Variants in PTGR2 observed in about 807,000 individuals in gnomAD.
PTGR2 encodes prostaglandin reductase 2, also known as 15-oxoprostaglandin 13-reductase.
In PTGR2, 32 loss-of-function variants were observed where a neutral mutation model predicts 43.4. The observed-to-expected ratio is 0.74, with a 90% CI of 0.56 to 0.99. PTGR2 has a LOEUF of 0.99. Among genes scored for constraint, PTGR2 ranks in the 50% least tolerant of loss-of-function variants. PTGR2 has a pLI of 0.00. For synonymous variants in PTGR2, 106 were observed against 139.2 expected, an observed-to-expected ratio of 0.76 and a Z score of 1.68; for missense variants, 373 against 420.0, an observed-to-expected ratio of 0.89 and a Z score of 0.98.
rs555275020 is a variant in PTGR2 at position 73,864,545 on chromosome 14, T to A, written c.156+3888T>A. On this transcript the variant is annotated intron_variant, in intron 3 of 9. Transcript: ENST00000555661. ...TTTTGTATTTCCTTATGGCTAATAA[T>A]GTTGAGCATGTTTTTAATGTGCTTA... Among the ~76,000 whole-genome samples the A allele has an allele frequency of 7.2e-5, 11 of 152,346 alleles. 1 individual carries two copies. In the South Asian group the frequency reaches 2.1e-3, roughly 29 times the overall value.
intron 7 of PTGR2, among the ~76,000 whole-genome samples, chr14:73,880,795 G>A (rs1039752136): frequency 5.3e-5 from 8 of 152,026 alleles, no homozygotes; most frequent in African/African-American, 1.9e-4. Context: ...ATACTGGGCA[G>A]ACAAAAATTA....
At chr14:73,868,719 AATATACTC>A (rs1421820702) in intron 3 of PTGR2, among the ~76,000 whole-genome samples, 1 of 151,854 alleles carries the variant, frequency 6.6e-6, no homozygotes, top group Non-Finnish European at 1.5e-5. Flanking sequence ...GCTGTCATGT[AATATACTC>A]AAGGTTACCT....
intron 3 of PTGR2, among the ~76,000 whole-genome samples, chr14:73,864,527 T>C (rs2054560501): frequency 6.6e-6 from 1 of 152,226 alleles, no homozygotes; most frequent in African/African-American, 2.4e-5. Flanking sequence ...TTCTTTTGTA[T>C]TTCCTTATGG....
intron 7 of PTGR2, among the ~76,000 whole-genome samples, chr14:73,880,782 T>C (rs1188425335): frequency 6.6e-6 from 1 of 152,110 alleles, no homozygotes; most frequent in Non-Finnish European, 1.5e-5. Flanking sequence ...AATGGGGTTG[T>C]AGATACTGGG....
intron 9 of PTGR2, among the ~76,000 whole-genome samples, chr14:73,883,488 CCTT>C (rs1566644172): frequency 1.3e-5 from 2 of 151,114 alleles, no homozygotes; most frequent in African/African-American, 4.9e-5. Context: ...AGTGCCTAGC[CCTT>C]TTTTTAATTT....
Position 73,872,380 on chromosome 14 carries a change from A to G in PTGR2, c.157-1643A>G, listed in dbSNP as rs530080937. ...CAAAAGAAATCAAGTTTTATGGTGT[A>G]TATGTTGCTAGTTTGTTTTCCATAA... On this transcript the variant is annotated intron_variant, in intron 3 of 9. Coordinates refer to ENST00000555661, the MANE Select transcript of PTGR2 (RefSeq NM_001146154.2). 7.9e-5 allele frequency among the ~76,000 whole-genome samples: 12 copies of G among 152,350 alleles called. No individual in the cohort carries two copies. The South Asian group carries it at 2.3e-3, about 29-fold the overall frequency.
At chr14:73,866,040 T>C (rs931322734) in intron 3 of PTGR2, among the ~76,000 whole-genome samples, 2 of 151,962 alleles carry the variant, frequency 1.3e-5, no homozygotes, top group Non-Finnish European at 2.9e-5. Context: ...TCTTGCTCTG[T>C]CGCCAGTCTG....
In PTGR2 at chr14:73,861,845, C is replaced by T. The variant is rs1204299125; in HGVS notation, c.156+1188C>T. 6 of 150,926 alleles carry T rather than the reference C, an allele frequency of 4.0e-5. No homozygotes were observed. The East Asian group carries it at 1.2e-3, about 29-fold the overall frequency. The allele number at this position is 150,926 out of a possible 1,614,324, so 9.3% of individuals were successfully genotyped here. On this transcript the variant is annotated intron_variant, in intron 3 of 9. Transcript: ENST00000555661. The stretch of plus-strand genomic sequence containing the variant: ...GGTTGCTGAACGACTGTATGAGTTT[C>T]CTGTTGCTGTTTTGACATAGTACTG...
intron 4 of PTGR2, among the ~76,000 whole-genome samples, chr14:73,875,789 G>A (rs922135147): frequency 1.1e-5 from 1 of 88,660 alleles, no homozygotes; most frequent in African/African-American, 4.3e-5. Flanking sequence ...AGAATATTTT[G>A]TCTCTTACAT....
At position 73,874,143 on chromosome 14, in the gene PTGR2, G is replaced by C; in HGVS notation, c.277G>C (p.Gly93Arg). 3 of 1,613,904 alleles carry C rather than the reference G, an allele frequency of 1.9e-6. No individual in the cohort carries two copies. The highest frequency in any genetic ancestry group is 2.5e-6 in the Non-Finnish European group (3 of 1,179,960). Reference sequence around the variant, plus strand: ...AAGCAAACACACAAATTTGACTAAAGGCGATTTTGTGACTTCTTTCTATTG... The same window carrying C: ...AAGCAAACACACAAATTTGACTAAACGCGATTTTGTGACTTCTTTCTATTG... ...EESKHTNLTK[G>R]DFVTSFYWPW... The change falls in exon 4 of 10, where the codon GGC (glycine) becomes CGC (arginine). Residue 93 changes from glycine (G) to arginine (R), a missense_variant. Transcript: ENST00000555661.
In PTGR2 at chr14:73,856,389, G is replaced by A. The variant is rs116810987; in HGVS notation, c.-47-2427G>A. On this transcript the variant is annotated intron_variant, in intron 1 of 9. Coordinates refer to ENST00000555661, the MANE Select transcript of PTGR2 (RefSeq NM_001146154.2). ...GCCTCCCAAGTAGCTGGGACTACAG[G>A]CATGGGCCACCTGCCCACCGGCTAT... 8.8e-3 allele frequency among the ~76,000 whole-genome samples: 1,326 copies of A among 150,670 alleles called. 22 individuals are homozygous for A. The highest frequency in any genetic ancestry group is 0.031 in the African/African-American group (1,287 of 41,072).
Position 73,877,124 on chromosome 14 carries a change from G to T in PTGR2, c.475G>T (p.Val159Phe). The stretch of plus-strand genomic sequence containing the variant: ...AACTGCTGGATCTAATAAGACAATG[G>T]TTGTCAGTGGGGCCGCAGGTGCCTG... ...HITAGSNKTM[V>F]VSGAAGACGS... Residue 159 changes from valine (V) to phenylalanine (F), a missense_variant, in exon 5 of 10, where the codon GTT becomes TTT. Transcript: ENST00000555661. 6.2e-7 allele frequency: 1 copy of T among 1,614,098 alleles called. No homozygotes were observed. Among genetic ancestry groups the T allele is most frequent in the Non-Finnish European group, 8.5e-7 (1 of 1,180,002 alleles).
At chr14:73,869,359 T>C (rs930303316) in intron 3 of PTGR2, among the ~76,000 whole-genome samples, 1 of 151,466 alleles carries the variant, frequency 6.6e-6, no homozygotes, top group African/African-American at 2.4e-5. Flanking sequence ...CACAGAAAGA[T>C]GCCATCAATA....
At chr14:73,880,341 G>A in intron 7 of PTGR2, 165 bp downstream of exon 7, 1 of 729,436 alleles carries the variant, frequency 1.4e-6, no homozygotes, top group South Asian at 1.5e-5. Context: ...GGGATGCCGA[G>A]ACGGGTGGAT....
intron 3 of PTGR2, chr14:73,861,034 T>G: frequency 6.5e-6 from 1 of 153,726 alleles, no homozygotes; most frequent in Non-Finnish European, 1.4e-5. Flanking sequence ...TATGAGATCT[T>G]TATTTATTTC....
At position 73,882,523 on chromosome 14, in the gene PTGR2, C is replaced by T. The variant is rs879103918; in HGVS notation, c.979+85C>T. The T allele has an allele frequency of 4.7e-5, 48 of 1,011,150 alleles. No individual in the cohort carries two copies. In the African/African-American group the frequency reaches 5.2e-4, roughly 11 times the overall value. 62.6% of individuals were successfully genotyped at this position (1,011,150 alleles called of 1,614,324 possible). On this transcript the variant is annotated intron_variant, in intron 9 of 9. Transcript: ENST00000555661. ...TATTTTTATTTATTTATTTTTGAGA[C>T]GGAGTCTTGCTCTGTTGCCCAGGCT...
chr14:73,853,653 A>G (rs2054280881), intron 1 of PTGR2, among the ~76,000 whole-genome samples: 2 of 152,080 alleles, frequency 1.3e-5, no homozygotes, highest in African/African-American at 4.8e-5. Flanking sequence ...TGAGAGGATG[A>G]TATTACCAAC....
chr14:73,864,089 C>G (rs898151079), intron 3 of PTGR2, among the ~76,000 whole-genome samples: 1 of 152,110 alleles, frequency 6.6e-6, no homozygotes, highest in Non-Finnish European at 1.5e-5. Context: ...TGGCTTCTTT[C>G]ATTTAGTATG....
intron 4 of PTGR2, among the ~76,000 whole-genome samples, chr14:73,876,590 C>T (rs2054871410): frequency 6.7e-6 from 1 of 148,814 alleles, no homozygotes; most frequent in African/African-American, 2.5e-5. Flanking sequence ...ATTCTCCTGC[C>T]TCAGCCTCCT....
Sources: gnomAD v4.1 joint callset for allele counts (sites outside exome capture counted in the v4.1 genomes callset) on GRCh38, gnomAD v4.1.1 for gene constraint, MANE v1.5 for transcripts, NCBI Gene and HGNC (gene_info 2026-07-23, HGNC 2026-07-21) for gene names.